The following TMEM117 variants were observed in gnomAD, a reference collection of about 807,000 sequenced individuals.
TMEM117 encodes the protein transmembrane protein 117.
TMEM117 carries 27 observed loss-of-function variants against 52.4 expected under a neutral mutation model. That is an observed-to-expected ratio of 0.51 (90% CI 0.38 to 0.71). The LOEUF (loss-of-function observed/expected upper bound fraction) is 0.71. Among genes scored for constraint, TMEM117 ranks in the 30% least tolerant of loss-of-function variants. TMEM117 has a pLI of 0.00. For missense variants in TMEM117, 556 were observed against 630.5 expected (o/e 0.88, Z 1.26); for synonymous variants, 215 against 206.3 (o/e 1.04, Z -0.36).
chr12:43,995,528 T>C (rs1946014878), intron 3 of TMEM117, among the ~76,000 whole-genome samples: 1 of 152,198 alleles, frequency 6.6e-6, no homozygotes, highest in Non-Finnish European at 1.5e-5. Flanking sequence ...TGTCTTCTTG[T>C]TTTTTAAAAT....
At chr12:44,036,079 A>C (rs1248286604) in intron 3 of TMEM117, among the ~76,000 whole-genome samples, 1 of 152,200 alleles carries the variant, frequency 6.6e-6, no homozygotes, top group East Asian at 1.9e-4. Context: ...ATAAAGTAGA[A>C]AAGTAGAAAG....
the TMEM117 span, among the ~76,000 whole-genome samples, chr12:43,808,641 C>T: frequency 4.0e-5 from 6 of 151,684 alleles, no homozygotes; most frequent in South Asian, 1.2e-3. Context: ...AGCACAGGAT[C>T]CATCTAAAAT....
At chr12:44,240,601 T>C (rs1950049657) in intron 5 of TMEM117, among the ~76,000 whole-genome samples, 1 of 152,086 alleles carries the variant, frequency 6.6e-6, no homozygotes, top group Admixed American at 6.6e-5. Context: ...TATGTTTGTG[T>C]GTGTATGTAT....
chr12:43,995,893 C>T (rs972262100), intron 3 of TMEM117, among the ~76,000 whole-genome samples: 5 of 152,136 alleles, frequency 3.3e-5, no homozygotes, highest in Non-Finnish European at 7.4e-5. Flanking sequence ...GGAGTTTTGT[C>T]TCCAAATAAA....
At chr12:43,975,463 C>T (rs1945656929) in intron 3 of TMEM117, among the ~76,000 whole-genome samples, 1 of 152,188 alleles carries the variant, frequency 6.6e-6, no homozygotes. Flanking sequence ...TTATTTAATG[C>T]TCATGACAGT....
At chr12:44,114,168 C>T (rs942250769) in intron 3 of TMEM117, among the ~76,000 whole-genome samples, 2 of 151,966 alleles carry the variant, frequency 1.3e-5, no homozygotes, top group Non-Finnish European at 2.9e-5. Flanking sequence ...CACCCGTCTT[C>T]TGCGTCGCTC....
intron 2 of TMEM117, among the ~76,000 whole-genome samples, chr12:43,856,373 CAG>C (rs954744250): frequency 2.6e-5 from 4 of 152,140 alleles, no homozygotes; most frequent in Non-Finnish European, 5.9e-5. Context: ...TCCTTTTTCA[CAG>C]AGTTAGTAAT....
chr12:43,844,986 A>G, intron 2 of TMEM117, 58 bp downstream of exon 2: 1 of 1,543,562 alleles, frequency 6.5e-7, no homozygotes, highest in African/African-American at 1.4e-5. Context: ...CTATTCTCCA[A>G]GATACAACTT....
chr12:43,869,436 T>A (rs1943666368), intron 2 of TMEM117, among the ~76,000 whole-genome samples: 1 of 152,198 alleles, frequency 6.6e-6, no homozygotes, highest in African/African-American at 2.4e-5. Context: ...GAAGAGAAAA[T>A]TTCAGGAATG....
chr12:44,378,246 A>G (rs1191997822), intron 7 of TMEM117, among the ~76,000 whole-genome samples: 1 of 150,506 alleles, frequency 6.6e-6, no homozygotes, highest in African/African-American at 2.5e-5. Flanking sequence ...TTAAAAAAGG[A>G]AAAAAAAATG....
intron 5 of TMEM117, among the ~76,000 whole-genome samples, chr12:44,282,742 G>T (rs886758655): frequency 6.6e-6 from 1 of 152,196 alleles, no homozygotes; most frequent in Non-Finnish European, 1.5e-5. Flanking sequence ...ATTCAAGCCA[G>T]CTGCAGAAAT....
intron 3 of TMEM117, among the ~76,000 whole-genome samples, chr12:44,135,418 A>G (rs1948475640): frequency 6.6e-6 from 1 of 152,224 alleles, no homozygotes; most frequent in Non-Finnish European, 1.5e-5. Flanking sequence ...GAATAAATGA[A>G]TATAAATTAA....
chr12:43,925,664 A>G (rs1944767203), intron 2 of TMEM117, among the ~76,000 whole-genome samples: 1 of 152,124 alleles, frequency 6.6e-6, no homozygotes, highest in African/African-American at 2.4e-5. Flanking sequence ...AATCCTTCCT[A>G]TTTAAAAACC....
intron 6 of TMEM117, among the ~76,000 whole-genome samples, chr12:44,302,336 C>G (rs548542055): frequency 3.9e-5 from 6 of 152,184 alleles, no homozygotes; most frequent in African/African-American, 1.4e-4. Flanking sequence ...TCTGTATTCT[C>G]CCACGTCTTC....
chr12:44,135,501 C>T (rs1248984249), intron 3 of TMEM117, among the ~76,000 whole-genome samples: 1 of 152,172 alleles, frequency 6.6e-6, no homozygotes, highest in African/African-American at 2.4e-5. Context: ...TCCCTTCTCC[C>T]TTCCCCATAT....
At position 44,051,203 on chromosome 12, in the gene TMEM117, T is replaced by C. The variant is rs111760614; in HGVS notation, c.411-92322T>C. 4.9e-4 allele frequency among the ~76,000 whole-genome samples: 74 copies of C among 152,268 alleles called. No homozygotes were observed. In the Middle Eastern group the frequency reaches 0.034, roughly 70 times the overall value. On this transcript the variant is annotated intron_variant, in intron 3 of 7. Transcript: ENST00000266534. ...ATGCCCTTGAAGTCCTGAGAGGACC[T>C]TGTGGCCTCAAAATATGATAAATCC...
At chr12:44,263,183 A>G (rs1223173425) in intron 5 of TMEM117, among the ~76,000 whole-genome samples, 1 of 152,166 alleles carries the variant, frequency 6.6e-6, no homozygotes, top group Non-Finnish European at 1.5e-5. Flanking sequence ...TTTATCTATA[A>G]CAAAGTTTTC....
intron 5 of TMEM117, among the ~76,000 whole-genome samples, chr12:44,219,920 A>G (rs923539862): frequency 1.3e-5 from 2 of 152,142 alleles, no homozygotes; most frequent in African/African-American, 2.4e-5. Context: ...GTCTAAGGTC[A>G]TCTATGTGTT....
At chr12:43,919,027 C>A (rs1378901582) in intron 2 of TMEM117, among the ~76,000 whole-genome samples, 1 of 152,206 alleles carries the variant, frequency 6.6e-6, no homozygotes, top group Non-Finnish European at 1.5e-5. Flanking sequence ...CATAAGAGAG[C>A]TGCTTCCCTA....
Sources: allele counts gnomAD v4.1 joint callset (sites outside exome capture counted in the v4.1 genomes callset), GRCh38; gene constraint gnomAD v4.1.1; transcripts MANE v1.5; gene names NCBI Gene and HGNC (gene_info 2026-07-23, HGNC 2026-07-21).